EYS: variants seen among roughly 807,000 people sequenced by gnomAD.
The protein encoded by EYS is EGF-like photoreceptor maintenance factor.
In EYS, 250 loss-of-function variants were observed where a neutral mutation model predicts 282.1. The ratio of observed to expected loss-of-function variants is 0.89; its 90% CI spans 0.80 to 0.98. EYS has a LOEUF of 0.98. Among genes scored for constraint, EYS ranks in the 50% least tolerant of loss-of-function variants. The pLI, the probability that EYS is intolerant of heterozygous loss-of-function variation, is 0.00. For missense variants in EYS, 4,016 were observed against 3,709.0 expected, an observed-to-expected ratio of 1.08 and a Z score of -2.15; for synonymous variants, 1,355 against 1,282.9, an observed-to-expected ratio of 1.06 and a Z score of -1.20.
At chr6:65,514,471 T>C (rs201038525) in intron 2 of EYS, among the ~76,000 whole-genome samples, 1 of 152,268 alleles carries the variant, frequency 6.6e-6, no homozygotes, top group Non-Finnish European at 1.5e-5. Flanking sequence ...AAAAAGAGCT[T>C]GCATTGCCAA....
chr6:63,725,286 TGTGTATTA>T (rs931621416), intron 42 of EYS, among the ~76,000 whole-genome samples: 25 of 152,078 alleles, frequency 1.6e-4, no homozygotes, highest in Non-Finnish European at 2.9e-4. Context: ...TGCCCTCCTA[TGTGTATTA>T]GTGTGTATGA....
intron 35 of EYS, among the ~76,000 whole-genome samples, chr6:63,870,725 A>T (rs1322783241): frequency 2.6e-5 from 4 of 152,124 alleles, no homozygotes; most frequent in Admixed American, 6.5e-5. Context: ...AATTGTCCCA[A>T]ATCTCTTTAT....
chr6:64,107,285 T>TTATATATATATATATATATTTATA (rs1773054085), intron 31 of EYS, among the ~76,000 whole-genome samples: 2 of 101,508 alleles, frequency 2.0e-5, no homozygotes, highest in African/African-American at 7.0e-5. Flanking sequence ...ATATATATAT[T>TTATATATATATATATATATTTATA]TATATATATA....
chr6:64,103,471 G>A (rs1051774003), intron 31 of EYS, among the ~76,000 whole-genome samples: 1 of 152,084 alleles, frequency 6.6e-6, no homozygotes, highest in Admixed American at 6.6e-5. Flanking sequence ...ACTTATACCA[G>A]GAGAAAGAGG....
intron 22 of EYS, among the ~76,000 whole-genome samples, chr6:64,661,661 T>A (rs1769026794): frequency 6.8e-6 from 1 of 146,438 alleles, no homozygotes. Context: ...AACAGAGAAA[T>A]GCAAATCAAA....
intron 26 of EYS, among the ~76,000 whole-genome samples, chr6:64,451,954 A>G (rs1450583003): frequency 6.6e-6 from 1 of 152,218 alleles, no homozygotes; most frequent in Non-Finnish European, 1.5e-5. Context: ...GGCACAAGAC[A>G]GGGATGCCCT....
chr6:64,561,678 G>A (rs1382908022), intron 26 of EYS, among the ~76,000 whole-genome samples: 2 of 151,816 alleles, frequency 1.3e-5, no homozygotes, highest in Non-Finnish European at 2.9e-5. Flanking sequence ...ATAAATCTGA[G>A]AAGACACAAA....
intron 2 of EYS, among the ~76,000 whole-genome samples, chr6:65,635,424 C>A (rs1287948219): frequency 6.6e-6 from 1 of 152,102 alleles, no homozygotes; most frequent in Non-Finnish European, 1.5e-5. Context: ...CTTCAACATT[C>A]CTGAGCTTAG....
chr6:65,169,845 C>T (rs1420713905), intron 12 of EYS, among the ~76,000 whole-genome samples: 1 of 151,428 alleles, frequency 6.6e-6, no homozygotes, highest in East Asian at 2.0e-4. Context: ...TTACACTAAA[C>T]AGTTGGAACA....
chr6:65,020,195 A>T (rs999171792), intron 13 of EYS, among the ~76,000 whole-genome samples: 1 of 151,986 alleles, frequency 6.6e-6, no homozygotes, highest in Non-Finnish European at 1.5e-5. Context: ...CAACATCTTA[A>T]CTCATTCCAG....
intron 5 of EYS, among the ~76,000 whole-genome samples, chr6:65,481,363 TA>T (rs1165228365): frequency 2.6e-5 from 4 of 152,232 alleles, no homozygotes; most frequent in Non-Finnish European, 5.9e-5. Flanking sequence ...ATTTATGCTT[TA>T]TTAAGCATTC....
rs568130209 is a variant in EYS, at chr6:63,878,209, G to C, written c.7056-13851C>G. Among the ~76,000 whole-genome samples the C allele has an allele frequency of 3.9e-5, 6 of 152,324 alleles. No individual in the cohort carries two copies. The East Asian group carries it at 1.2e-3, about 29-fold the overall frequency. ...TTCCTTCTAACAGTCAGGACCCTCAGCTGCAGGTCTGTTGGAGTTTCCTGG... is the reference window on the plus strand; with the variant it reads ...TTCCTTCTAACAGTCAGGACCCTCACCTGCAGGTCTGTTGGAGTTTCCTGG... On this transcript the variant is annotated intron_variant, in intron 35 of 42. Coordinates refer to ENST00000503581, the MANE Select transcript of EYS (RefSeq NM_001142800.2).
chr6:64,544,624 G>A (rs912970812), intron 26 of EYS, among the ~76,000 whole-genome samples: 4 of 151,768 alleles, frequency 2.6e-5, no homozygotes, highest in African/African-American at 9.7e-5. Flanking sequence ...AGACCACTAG[G>A]AAGACTAATA....
At chr6:64,777,173 T>G (rs1162086462) in intron 22 of EYS, among the ~76,000 whole-genome samples, 1 of 152,128 alleles carries the variant, frequency 6.6e-6, no homozygotes, top group Non-Finnish European at 1.5e-5. Flanking sequence ...AAGATGAGAT[T>G]TGGGTGGGGC....
intron 12 of EYS, among the ~76,000 whole-genome samples, chr6:65,175,135 G>A (rs1765195113): frequency 6.6e-6 from 1 of 151,308 alleles, no homozygotes; most frequent in Non-Finnish European, 1.5e-5. Context: ...TACAGTTAGA[G>A]AGACTGTGAA....
At chr6:65,453,149 T>C (rs1047166785) in intron 5 of EYS, among the ~76,000 whole-genome samples, 2 of 152,182 alleles carry the variant, frequency 1.3e-5, no homozygotes, top group South Asian at 4.2e-4. Flanking sequence ...GGCAGGTTTA[T>C]TGTTCGAAGT....
At position 63,738,336 on chromosome 6, in the gene EYS, A is replaced by C. The variant is rs368334330; in HGVS notation, c.8072-11656T>G. Among the ~76,000 whole-genome samples the C allele has an allele frequency of 3.4e-4, 52 of 152,214 alleles. 1 individual carries two copies. The highest frequency in any genetic ancestry group is 8.5e-4 in the Admixed American group (13 of 15,292). Reference sequence around the variant, plus strand: ...ACAATAGCAAAGACTTGGAACCAACACAAATGTCCAACAATGATAGACTGG... The same window carrying C: ...ACAATAGCAAAGACTTGGAACCAACCCAAATGTCCAACAATGATAGACTGG... On this transcript the variant is annotated intron_variant, in intron 41 of 42. Coordinates refer to ENST00000503581, the MANE Select transcript of EYS (RefSeq NM_001142800.2).
At chr6:65,422,788 G>T (rs934363099) in intron 5 of EYS, among the ~76,000 whole-genome samples, 1 of 149,414 alleles carries the variant, frequency 6.7e-6, no homozygotes, top group African/African-American at 2.4e-5. Flanking sequence ...GGACCAAAAA[G>T]CCTCTCTCTA....
chr6:63,783,706 C>T (rs2149667819), intron 39 of EYS, among the ~76,000 whole-genome samples: 1 of 152,258 alleles, frequency 6.6e-6, no homozygotes, highest in African/African-American at 2.4e-5. Context: ...GTGATTTGAG[C>T]TTGCTTTCCA....
Sources: gnomAD v4.1 joint callset for allele counts (sites outside exome capture counted in the v4.1 genomes callset) on GRCh38, gnomAD v4.1.1 for gene constraint, MANE v1.5 for transcripts, NCBI Gene and HGNC (gene_info 2026-07-23, HGNC 2026-07-21) for gene names.